The following EPB41L3 variants were observed in gnomAD, a reference collection of about 807,000 sequenced individuals.
EPB41L3 encodes band 4.1-like protein 3.
EPB41L3 carries 57 observed loss-of-function variants against 127.1 expected under a neutral mutation model. That is an observed-to-expected ratio of 0.45 (90% CI 0.36 to 0.56). The LOEUF is 0.56. Among genes scored for constraint, EPB41L3 ranks in the 20% least tolerant of loss-of-function variants. The pLI, the probability that EPB41L3 is intolerant of heterozygous loss-of-function variation, is 0.00. For missense variants in EPB41L3, 1,273 were observed against 1,372.2 expected (o/e 0.93, Z 1.14); for synonymous variants, 572 against 549.5 (o/e 1.04, Z -0.57).
At chr18:5,615,731 A>G (rs940628541) in intron 1 of EPB41L3, among the ~76,000 whole-genome samples, 3 of 152,138 alleles carry the variant, frequency 2.0e-5, no homozygotes, top group African/African-American at 7.2e-5. Flanking sequence ...ACAATAAGTC[A>G]CCCAAAAGCT....
At position 5,443,980 on chromosome 18, in the gene EPB41L3, T is replaced by C. The variant is rs2146284633; in HGVS notation, c.487-100A>G. The C allele has an allele frequency of 1.8e-5, 18 of 1,017,922 alleles. No homozygotes were observed. In the South Asian group the frequency reaches 2.6e-4, roughly 15 times the overall value. The allele number at this position is 1,017,922 out of a possible 1,614,324, so 63.1% of individuals were successfully genotyped here. On this transcript the variant is annotated intron_variant, in intron 4 of 22. Transcript: ENST00000341928. ...CTCCCTAAATGCAGTGCGGAGTTAG[T>C]GGTCGTGGGAAGGCTTCCCTTACTG...
chr18:5,405,769 C>T (rs1770053096), intron 16 of EPB41L3, among the ~76,000 whole-genome samples: 1 of 149,734 alleles, frequency 6.7e-6, no homozygotes. Context: ...GAGAGAAACA[C>T]CATCTCAAAA....
At chr18:5,486,330 A>C (rs1309597340) in intron 2 of EPB41L3, among the ~76,000 whole-genome samples, 1 of 152,136 alleles carries the variant, frequency 6.6e-6, no homozygotes, top group East Asian at 1.9e-4. Flanking sequence ...CACAGAAATC[A>C]AATAAAAATG....
intron 14 of EPB41L3, 107 bp downstream of exon 14, chr18:5,410,459 A>G (rs2076055205): frequency 1.3e-6 from 1 of 792,550 alleles, no homozygotes; most frequent in Non-Finnish European, 2.2e-6. Flanking sequence ...TAAAGTTAGA[A>G]CTGATCTCCA....
chr18:5,475,143 A>G, intron 3 of EPB41L3, among the ~76,000 whole-genome samples: 1 of 152,196 alleles, frequency 6.6e-6, no homozygotes, highest in East Asian at 1.9e-4. Flanking sequence ...GAAAGCTTCC[A>G]GATCATTCAC....
At chr18:5,627,575 C>T (rs2094935783) in intron 1 of EPB41L3, among the ~76,000 whole-genome samples, 1 of 152,110 alleles carries the variant, frequency 6.6e-6, no homozygotes, top group African/African-American at 2.4e-5. Context: ...TTTTTAAACT[C>T]TTTGGGATAT....
At chr18:5,403,640 T>TG (rs2074892826) in intron 16 of EPB41L3, among the ~76,000 whole-genome samples, 1 of 151,214 alleles carries the variant, frequency 6.6e-6, no homozygotes, top group African/African-American at 2.4e-5. Flanking sequence ...GTCATAAGTT[T>TG]GGGGTCACCA....
chr18:5,623,299 C>T (rs9946758), intron 1 of EPB41L3, among the ~76,000 whole-genome samples: 7,493 of 152,202 alleles, frequency 0.049, 587 homozygotes, highest in African/African-American at 0.17. Context: ...AACATAGATA[C>T]AGCAGCTCTT....
At chr18:5,557,889 C>A (rs1354114833) in intron 3 of EPB41L3, among the ~76,000 whole-genome samples, 1 of 152,138 alleles carries the variant, frequency 6.6e-6, no homozygotes, top group Non-Finnish European at 1.5e-5. Context: ...CAAAACAAAA[C>A]CCTGAGTTTT....
chr18:5,621,392 T>G (rs536318784), intron 1 of EPB41L3, among the ~76,000 whole-genome samples: 54 of 152,314 alleles, frequency 3.5e-4, no homozygotes, highest in African/African-American at 1.2e-3. Context: ...GCTGTGTAGT[T>G]ACTATAATTC....
chr18:5,598,189 A>C (rs944912174), intron 3 of EPB41L3, among the ~76,000 whole-genome samples: 9 of 152,142 alleles, frequency 5.9e-5, no homozygotes, highest in African/African-American at 2.2e-4. Flanking sequence ...ACTAATTGAG[A>C]TACTCTTCCC....
chr18:5,563,047 G>A (rs909793973), intron 3 of EPB41L3, among the ~76,000 whole-genome samples: 2 of 152,206 alleles, frequency 1.3e-5, no homozygotes, highest in Admixed American at 6.5e-5. Flanking sequence ...GGTAGTATGG[G>A]AGCACCTAAC....
intron 13 of EPB41L3, among the ~76,000 whole-genome samples, chr18:5,414,593 TA>T (rs917698891): frequency 5.9e-5 from 9 of 151,364 alleles, no homozygotes; most frequent in African/African-American, 7.3e-5. Context: ...TTTGTGACTT[TA>T]AAAAAAAATG....
intron 2 of EPB41L3, among the ~76,000 whole-genome samples, chr18:5,478,988 T>C (rs2087830545): frequency 6.6e-6 from 1 of 152,232 alleles, no homozygotes; most frequent in African/African-American, 2.4e-5. Context: ...TCAGCAGAAC[T>C]GAAATTCATC....
intron 16 of EPB41L3, chr18:5,398,899 G>A (rs557357693): frequency 3.3e-5 from 13 of 399,152 alleles, no homozygotes; most frequent in Non-Finnish European, 5.3e-5. Context: ...CTCTGCCGGC[G>A]AGACTCGGCC....
At chr18:5,537,636 C>A (rs779398483) in intron 1 of EPB41L3, among the ~76,000 whole-genome samples, 1 of 152,142 alleles carries the variant, frequency 6.6e-6, no homozygotes, top group Admixed American at 6.5e-5. Flanking sequence ...AAACCTTCCA[C>A]AATCAGGCCT....
chr18:5,511,401 T>TG (rs1270531767), intron 1 of EPB41L3, among the ~76,000 whole-genome samples: 6 of 135,894 alleles, frequency 4.4e-5, no homozygotes, highest in African/African-American at 1.7e-4. Context: ...GTTTTTTTTT[T>TG]TTTTTTTTTT....
At chr18:5,561,011 T>C (rs1361012982) in intron 3 of EPB41L3, among the ~76,000 whole-genome samples, 1 of 131,012 alleles carries the variant, frequency 7.6e-6, no homozygotes, top group African/African-American at 2.7e-5. Context: ...GGAGTCTCGC[T>C]CTGTCGCCCA....
chr18:5,406,997 G>C (rs922282070), intron 15 of EPB41L3, 29 bp from the exon 16 acceptor site: 1 of 1,587,414 alleles, frequency 6.3e-7, no homozygotes, highest in Admixed American at 1.7e-5. Context: ...GTATCCAACA[G>C]TCAATGTTTT....
Sources: gnomAD v4.1 joint callset for allele counts (sites outside exome capture counted in the v4.1 genomes callset) on GRCh38, gnomAD v4.1.1 for gene constraint, MANE v1.5 for transcripts, NCBI Gene and HGNC (gene_info 2026-07-23, HGNC 2026-07-21) for gene names.